TRIM2: variants seen among roughly 807,000 people sequenced by gnomAD.
TRIM2 encodes the protein tripartite motif containing 2, also known as tripartite motif-containing protein 2.
A neutral mutation model predicts 75.2 loss-of-function variants in TRIM2; 20 were observed. The ratio of observed to expected loss-of-function variants is 0.27; its 90% CI spans 0.19 to 0.39. TRIM2 has a LOEUF of 0.39. Among genes scored for constraint, TRIM2 ranks in the 10% least tolerant of loss-of-function variants. The pLI, the probability that TRIM2 is intolerant of heterozygous loss-of-function variation, is 1.00. For missense variants in TRIM2, 660 were observed against 990.8 expected (o/e 0.67, Z 4.48); for synonymous variants, 373 against 388.3 (o/e 0.96, Z 0.46).
At chr4:153,163,853 C>G (rs1730016378) in intron 1 of TRIM2, among the ~76,000 whole-genome samples, 1 of 151,102 alleles carries the variant, frequency 6.6e-6, no homozygotes, top group East Asian at 2.0e-4. Context: ...GAAACATATC[C>G]CTGCTTTGTG....
chr4:153,297,199 G>A (rs968385554), intron 6 of TRIM2, among the ~76,000 whole-genome samples: 16 of 152,080 alleles, frequency 1.1e-4, no homozygotes, highest in African/African-American at 3.9e-4. Context: ...TCGCAAAGAC[G>A]GTGATATGAT....
chr4:153,187,916 C>G (rs1220795370), intron 1 of TRIM2, among the ~76,000 whole-genome samples: 1 of 152,228 alleles, frequency 6.6e-6, no homozygotes, highest in East Asian at 1.9e-4. Context: ...CCTATTATAT[C>G]TGGTCCTATT....
At chr4:153,272,481 A>ATTTAT (rs1344098230) in intron 2 of TRIM2, among the ~76,000 whole-genome samples, 1 of 148,536 alleles carries the variant, frequency 6.7e-6, no homozygotes, top group African/African-American at 2.5e-5. Flanking sequence ...TATTTTATTA[A>ATTTAT]TTATTTATTA....
intron 1 of TRIM2, among the ~76,000 whole-genome samples, chr4:153,154,407 GA>G: frequency 6.6e-6 from 1 of 152,310 alleles, no homozygotes; most frequent in South Asian, 2.1e-4. Flanking sequence ...TGTGAGCAAT[GA>G]ACAGTGAACA....
intron 3 of TRIM2, among the ~76,000 whole-genome samples, chr4:153,283,958 C>A (rs1057172434): frequency 3.0e-4 from 45 of 149,074 alleles, no homozygotes; most frequent in Admixed American, 3.4e-4. Flanking sequence ...GCAGCCTCTC[C>A]TCCTGGGTTC....
intron 1 of TRIM2, among the ~76,000 whole-genome samples, chr4:153,258,787 A>G (rs1560899660): frequency 6.6e-6 from 1 of 152,224 alleles, no homozygotes; most frequent in South Asian, 2.1e-4. Flanking sequence ...CCATTTGTTC[A>G]TGCAGAATTC....
intron 2 of TRIM2, among the ~76,000 whole-genome samples, chr4:153,272,289 C>T (rs1299792706): frequency 6.6e-6 from 1 of 152,026 alleles, no homozygotes; most frequent in African/African-American, 2.4e-5. Context: ...GCTAGGACTA[C>T]AGGTGCCTGC....
chr4:153,292,695 T>C (rs2150132180), intron 3 of TRIM2, among the ~76,000 whole-genome samples: 1 of 152,366 alleles, frequency 6.6e-6, no homozygotes, highest in African/African-American at 2.4e-5. Flanking sequence ...GGGGTCCTGA[T>C]ATAAAAATGT....
At chr4:153,257,520 T>C (rs1307259696) in intron 1 of TRIM2, 1 of 1,279,608 alleles carries the variant, frequency 7.8e-7, no homozygotes. Flanking sequence ...TCCTCCATTT[T>C]TCTCTTCCTC....
chr4:153,191,947 T>C (rs1220538829), intron 1 of TRIM2, among the ~76,000 whole-genome samples: 1 of 152,222 alleles, frequency 6.6e-6, no homozygotes, highest in African/African-American at 2.4e-5. Context: ...AACCACGTAG[T>C]TGCATCCTCA....
At chr4:153,152,478 A>C (rs371275488), upstream of TRIM2, 34 of 151,288 alleles carry the variant, frequency 2.2e-4, no homozygotes, top group East Asian at 3.9e-3. Context: ...GGAGTACTTT[A>C]CTTTGATATT....
intron 10 of TRIM2, among the ~76,000 whole-genome samples, chr4:153,327,878 T>C (rs563932526): frequency 6.6e-6 from 1 of 152,344 alleles, no homozygotes; most frequent in South Asian, 2.1e-4. Context: ...ACTACTTTTA[T>C]ATTCATCAAA....
chr4:153,257,996 G>A (rs1460281163), intron 1 of TRIM2, among the ~76,000 whole-genome samples: 1 of 152,130 alleles, frequency 6.6e-6, no homozygotes, highest in Non-Finnish European at 1.5e-5. Context: ...GACTAGATTT[G>A]TATTTTTACC....
chr4:153,306,084 A>G (rs1421885074), intron 6 of TRIM2, among the ~76,000 whole-genome samples: 2 of 151,712 alleles, frequency 1.3e-5, no homozygotes, highest in African/African-American at 4.8e-5. Context: ...AGCCAAGATC[A>G]TGCCATTGCA....
At chr4:153,277,817 T>C (rs1050767042) in intron 3 of TRIM2, among the ~76,000 whole-genome samples, 28 of 152,350 alleles carry the variant, frequency 1.8e-4, no homozygotes, top group African/African-American at 6.3e-4. Context: ...CAGTTTTCCA[T>C]GCATTTTATG....
At position 153,315,890 on chromosome 4, in the gene TRIM2, G is replaced by A. The variant is rs1305793582; in HGVS notation, c.1673G>A (p.Gly558Glu). Residue 558 changes from glycine to glutamate, a missense_variant, in exon 8 of 12, where the codon GGG becomes GAG. By Grantham distance (98) the Gly-to-Glu change is moderately conservative. Around this residue, in one of 2 missense-constraint regions of TRIM2, gnomAD observed 620 missense variants for 891.0 expected, o/e 0.70. Transcript: ENST00000338700. ...TTTGGCATACGGGGACGCTCTCCGGGGCAGCTGCAGCGGCCCACAGGAGTG... is the reference window on the plus strand; with the variant it reads ...TTTGGCATACGGGGACGCTCTCCGGAGCAGCTGCAGCGGCCCACAGGAGTG... The part of the protein sequence containing the change: ...SRFGIRGRSP[G>E]QLQRPTGVAV... 2.5e-6 allele frequency: 4 copies of A among 1,614,010 alleles called. No homozygotes were observed. Among genetic ancestry groups the A allele is most frequent in the Non-Finnish European group, 3.4e-6 (4 of 1,180,024 alleles).
chr4:153,336,030 G>T lies in TRIM2; in HGVS notation c.*1064G>T. The T allele has an allele frequency of 1.0e-6, 1 of 985,742 alleles. No individual in the cohort carries two copies. Among genetic ancestry groups the T allele is most frequent in the Non-Finnish European group, 1.2e-6 (1 of 829,906 alleles). 61.1% of individuals were successfully genotyped at this position (985,742 alleles called of 1,614,324 possible). On this transcript the variant is annotated 3_prime_UTR_variant, in exon 12 of 12. Transcript: ENST00000338700. ...TATCTTGAAAGCATTACAGGTAAGGGCATGTTATGGTTATTTATCATTGTT... is the reference window on the plus strand; with the variant it reads ...TATCTTGAAAGCATTACAGGTAAGGTCATGTTATGGTTATTTATCATTGTT...
chr4:153,168,815 G>A (rs2149608151), intron 1 of TRIM2, among the ~76,000 whole-genome samples: 1 of 152,292 alleles, frequency 6.6e-6, no homozygotes, highest in Non-Finnish European at 1.5e-5. Flanking sequence ...AAGGCTGGGT[G>A]TATTGGCACT....
chr4:153,196,304 G>T (rs138535382), intron 1 of TRIM2, among the ~76,000 whole-genome samples: 1 of 151,740 alleles, frequency 6.6e-6, no homozygotes, highest in African/African-American at 2.4e-5. Flanking sequence ...GGGTGCAGTG[G>T]TGCATGCCTG....
Sources: allele counts gnomAD v4.1 joint callset (sites outside exome capture counted in the v4.1 genomes callset), GRCh38; gene constraint gnomAD v4.1.1; regional missense constraint gnomAD v4.1.1; transcripts MANE v1.5; gene names NCBI Gene and HGNC (gene_info 2026-07-23, HGNC 2026-07-21).